CHIT1: variants seen among roughly 807,000 people sequenced by gnomAD.
CHIT1 encodes chitotriosidase-1.
A neutral mutation model predicts 52.0 loss-of-function variants in CHIT1; 47 were observed. The observed-to-expected ratio is 0.90, with a 90% CI of 0.71 to 1.15. CHIT1 has a LOEUF of 1.15. CHIT1 is among the 50% of genes most tolerant of loss of function. The pLI is 0.00. For missense variants in CHIT1, 569 were observed against 583.0 expected, an observed-to-expected ratio of 0.98 and a Z score of 0.25; for synonymous variants, 242 against 228.2, an observed-to-expected ratio of 1.06 and a Z score of -0.54.
Position 203,217,721 on chromosome 1 carries a change from C to A in CHIT1, c.1156+18G>T. 1 of 1,613,710 alleles carries A rather than the reference C, an allele frequency of 6.2e-7. No homozygotes were observed. Among genetic ancestry groups the A allele is most frequent in the Non-Finnish European group, 8.5e-7 (1 of 1,179,862 alleles). On this transcript the variant is annotated intron_variant, in intron 10 of 10. Transcript: ENST00000367229. ...CCCACCTCCAAATTCCACCACTGGC[C>A]CTGGGCCCCTTACTTACTCAGTTCC... is the stretch of plus-strand genomic sequence containing the variant.
rs1656513752 is a variant in CHIT1, at chr1:203,216,093, C to T, written c.*796G>A. The T allele has an allele frequency of 2.2e-6, 1 of 453,496 alleles. No individual in the cohort carries two copies. The highest frequency in any genetic ancestry group is 4.4e-6 in the Non-Finnish European group (1 of 226,224). The allele number at this position is 453,496 out of a possible 1,614,324, so 28.1% of individuals were successfully genotyped here. On this transcript the variant is annotated 3_prime_UTR_variant, in exon 11 of 11. Transcript: ENST00000367229. Reference sequence around the variant, plus strand: ...AAAGCAGCCAGGAATGTTGGGATGACTTTATTTAACCAGGACACCGTGTGC... The same window carrying T: ...AAAGCAGCCAGGAATGTTGGGATGATTTTATTTAACCAGGACACCGTGTGC...
chr1:203,226,396 A>G (rs1656932817), intron 2 of CHIT1, among the ~76,000 whole-genome samples: 1 of 152,232 alleles, frequency 6.6e-6, no homozygotes, highest in Non-Finnish European at 1.5e-5. Flanking sequence ...TAGACATGGC[A>G]TGCTCATCTG....
intron 1 of CHIT1, among the ~76,000 whole-genome samples, chr1:203,229,060 C>A (rs1657039585): frequency 1.3e-5 from 2 of 152,140 alleles, no homozygotes; most frequent in Non-Finnish European, 2.9e-5. Flanking sequence ...GCAACCACAG[C>A]CTTGGAGACC....
intron 7 of CHIT1, among the ~76,000 whole-genome samples, chr1:203,221,698 C>T (rs1437538698): frequency 1.3e-5 from 2 of 152,148 alleles, no homozygotes; most frequent in African/African-American, 2.4e-5. Context: ...GAAACCCCAA[C>T]CTACCCTAGT....
intron 6 of CHIT1, 42 bp downstream of exon 6, chr1:203,223,093 C>G (rs778368837): frequency 3.8e-5 from 61 of 1,612,744 alleles, no homozygotes; most frequent in Non-Finnish European, 5.2e-5. Flanking sequence ...GGCCTCTCTT[C>G]CCTCAGAGAG....
At chr1:203,219,992 C>A (rs1656675869) in intron 7 of CHIT1, 143 bp from the exon 8 acceptor site, 2 of 1,015,848 alleles carry the variant, frequency 2.0e-6, no homozygotes, top group Non-Finnish European at 1.5e-6. Context: ...TCCAGCCCTA[C>A]CCCATCTTCT....
At chr1:203,219,953 G>T in intron 7 of CHIT1, 104 bp from the exon 8 acceptor site, 1 of 1,367,272 alleles carries the variant, frequency 7.3e-7, no homozygotes, top group Non-Finnish European at 1.0e-6. Context: ...GGGCTCCTCA[G>T]CTGGAGCTCT....
At chr1:203,225,213 C>T (rs1157640296) in intron 3 of CHIT1, 109 bp from the exon 4 acceptor site, 14 of 1,000,056 alleles carry the variant, frequency 1.4e-5, no homozygotes, top group Non-Finnish European at 1.6e-6. Flanking sequence ...TGTGAAAGTG[C>T]CTATGTGCAG....
rs1656589371 is a variant in CHIT1, at chr1:203,217,818, T to TGTCCAGACCATG, written c.1076_1077insCATGGTCTGGAC (p.Ala359_Leu360insMetValTrpThr). On this transcript the variant is annotated inframe_insertion, in exon 10 of 11. Coordinates refer to ENST00000367229, the MANE Select transcript of CHIT1 (RefSeq NM_003465.3). ...AGCCGGCAAAGTCATCTAAGTCCAG[T>TGTCCAGACCATG]GCCCAGACCATGGCCCCGCCCAGTC... 1 of 1,614,006 alleles carries TGTCCAGACCATG rather than the reference T, an allele frequency of 6.2e-7. No homozygotes were observed. Among genetic ancestry groups the TGTCCAGACCATG allele is most frequent in the Admixed American group, 1.7e-5 (1 of 60,002 alleles).
Position 203,216,870 on chromosome 1 carries a change from C to A in CHIT1, c.*19G>T. 6.2e-7 allele frequency: 1 copy of A among 1,613,710 alleles called. No individual in the cohort carries two copies. The highest frequency in any genetic ancestry group is 8.5e-7 in the Non-Finnish European group (1 of 1,180,014). ...CCTGGGCCCAGCCTCAAAGCTGGGA[C>A]TGGAGGGGCTTTAGCGACTCAATTC... is the stretch of plus-strand genomic sequence containing the variant. On this transcript the variant is annotated 3_prime_UTR_variant, in exon 11 of 11. Coordinates refer to ENST00000367229, the MANE Select transcript of CHIT1 (RefSeq NM_003465.3).
chr1:203,227,912 G>A (rs1470875023), intron 2 of CHIT1, among the ~76,000 whole-genome samples: 1 of 152,226 alleles, frequency 6.6e-6, no homozygotes. Flanking sequence ...AGTTCTGAGA[G>A]GCCAGCATTC....
At chr1:203,222,501 C>T (rs369303147) in intron 6 of CHIT1, among the ~76,000 whole-genome samples, 176 bp from the exon 7 acceptor site, 8 of 152,320 alleles carry the variant, frequency 5.3e-5, no homozygotes, top group African/African-American at 1.9e-4. Context: ...TCCCAGCCAG[C>T]CCCCTTATGA....
At chr1:203,217,458 A>G in intron 10 of CHIT1, 1 of 1,331,628 alleles carries the variant, frequency 7.5e-7, no homozygotes, top group Non-Finnish European at 1.0e-6. Context: ...GTAAGAGAGG[A>G]ACAAGGTGCT....
At chr1:203,224,955 C>A in intron 4 of CHIT1, 93 bp downstream of exon 4, 1 of 1,181,812 alleles carries the variant, frequency 8.5e-7, no homozygotes, top group South Asian at 1.2e-5. Context: ...CACACCTCAG[C>A]CTGGCCTGAT....
At chr1:203,219,879 C>T (rs1225666531) in intron 7 of CHIT1, 30 bp from the exon 8 acceptor site, 2 of 1,610,262 alleles carry the variant, frequency 1.2e-6, no homozygotes, top group South Asian at 1.1e-5. Context: ...TTAATTTTCT[C>T]AGCCCTCAGC....
intron 9 of CHIT1, 68 bp downstream of exon 9, chr1:203,219,148 C>T (rs1470705840): frequency 4.1e-5 from 35 of 845,482 alleles, no homozygotes; most frequent in Non-Finnish European, 6.7e-5. Context: ...CTGAACTGTC[C>T]TCATTCCATG....
chr1:203,220,510 T>A (rs917849620), intron 7 of CHIT1, among the ~76,000 whole-genome samples: 1 of 152,164 alleles, frequency 6.6e-6, no homozygotes, highest in Non-Finnish European at 1.5e-5. Flanking sequence ...GATTATATAT[T>A]ACTTGGTGTA....
rs777602913 is a variant in CHIT1, at chr1:203,223,133, A to T, written c.605+2T>A. On this transcript the variant is annotated splice_donor_variant, in intron 6 of 10. Coordinates refer to ENST00000367229, the MANE Select transcript of CHIT1 (RefSeq NM_003465.3). LOFTEE classifies it high-confidence loss of function. ...GCTCCAAGCCATCTGCCTGAGACTC[A>T]CTGGGCGATTTTGTCCACCTCGTAT... 1 of 1,613,894 alleles carries T rather than the reference A, an allele frequency of 6.2e-7. No individual in the cohort carries two copies. The highest frequency in any genetic ancestry group is 1.3e-5 in the African/African-American group (1 of 74,916).
At chr1:203,217,241 G>A (rs1656566877) in intron 10 of CHIT1, 108 bp from the exon 11 acceptor site, 4 of 1,588,226 alleles carry the variant, frequency 2.5e-6, no homozygotes, top group African/African-American at 1.3e-5. Context: ...AGCACCACAT[G>A]CCCTACAGGC....
Sources: gnomAD v4.1 joint callset for allele counts (sites outside exome capture counted in the v4.1 genomes callset) on GRCh38, gnomAD v4.1.1 for gene constraint, MANE v1.5 for transcripts, NCBI Gene and HGNC (gene_info 2026-07-23, HGNC 2026-07-21) for gene names.